The following CCDC146 variants were observed in gnomAD, a reference collection of about 807,000 sequenced individuals.
The protein encoded by CCDC146 is coiled-coil domain-containing protein 146.
A neutral mutation model predicts 119.3 loss-of-function variants in CCDC146; 92 were observed. That is an observed-to-expected ratio of 0.77 (90% confidence interval 0.65 to 0.92). CCDC146 has a LOEUF of 0.92. Ranked by LOEUF, CCDC146 falls within the 40% of genes least tolerant of loss-of-function variation. The probability of loss-of-function intolerance (pLI) is 0.00; values close to 1 mark genes in which losing one functional copy is unlikely to be tolerated. For synonymous variants in CCDC146, 372 were observed against 371.8 expected, an observed-to-expected ratio of 1.00 and a Z score of -0.01; for missense variants, 1,000 against 1,103.0, an observed-to-expected ratio of 0.91 and a Z score of 1.32.
At chr7:77,134,541 CTGTGTGTGTGTGTGTGTGTGTCTGTG>C (rs1480552073) in intron 1 of CCDC146, among the ~76,000 whole-genome samples, 36 of 144,246 alleles carry the variant, frequency 2.5e-4, no homozygotes, top group African/African-American at 8.2e-4. Context: ...TAAGGCCACT[CTGTGTGTGTGTGTGTGTGTGTCTGTG>C]TGTGTGTGTG....
chr7:77,265,198 A>G (rs1464786473), intron 9 of CCDC146, among the ~76,000 whole-genome samples: 1 of 152,238 alleles, frequency 6.6e-6, no homozygotes, highest in Non-Finnish European at 1.5e-5. Context: ...GACCGCAGTT[A>G]TAATGTCCAT....
intron 1 of CCDC146, among the ~76,000 whole-genome samples, chr7:77,155,497 CAG>C (rs1391399236): frequency 2.0e-5 from 3 of 151,842 alleles, no homozygotes; most frequent in South Asian, 2.1e-4. Context: ...GCTAAGACCA[CAG>C]AGAGTCTTGT....
intron 4 of CCDC146, among the ~76,000 whole-genome samples, chr7:77,252,235 G>T (rs1793089136): frequency 6.6e-6 from 1 of 152,078 alleles, no homozygotes; most frequent in South Asian, 2.1e-4. Flanking sequence ...TGCAGTAAGA[G>T]AAGAGAAGGT....
At chr7:77,246,506 A>T (rs1792954504) in intron 4 of CCDC146, 1 of 152,216 alleles carries the variant, frequency 6.6e-6, no homozygotes, top group African/African-American at 2.4e-5. Flanking sequence ...TGTCAGATTT[A>T]AGTTTTAATG....
intron 2 of CCDC146, among the ~76,000 whole-genome samples, chr7:77,226,572 A>G (rs188192032): frequency 6.6e-6 from 1 of 152,334 alleles, no homozygotes; most frequent in Non-Finnish European, 1.5e-5. Flanking sequence ...TTTAAACTTT[A>G]TCTCTAGAGT....
chr7:77,194,611 C>T (rs994645056), intron 2 of CCDC146: 1 of 152,004 alleles, frequency 6.6e-6, no homozygotes, highest in African/African-American at 2.4e-5. Context: ...TTACCTGAAG[C>T]AACTATCCTC....
chr7:77,272,194 T>G (rs961012408), intron 9 of CCDC146, among the ~76,000 whole-genome samples: 1 of 152,252 alleles, frequency 6.6e-6, no homozygotes, highest in Admixed American at 6.5e-5. Context: ...TGATCTGCTA[T>G]AGCAATTTTA....
At chr7:77,212,417 C>T (rs1352811354) in intron 2 of CCDC146, among the ~76,000 whole-genome samples, 3 of 151,768 alleles carry the variant, frequency 2.0e-5, no homozygotes, top group Admixed American at 6.6e-5. Context: ...GTCAGGAGAT[C>T]GAGACCATCC....
chr7:77,125,719 C>A (rs1351586624), intron 1 of CCDC146, among the ~76,000 whole-genome samples: 7 of 152,028 alleles, frequency 4.6e-5, no homozygotes, highest in Middle Eastern at 3.4e-3. Context: ...AAGAATTCAG[C>A]AATTTAGCTT....
At chr7:77,162,489 G>A (rs1398505923) in intron 1 of CCDC146, among the ~76,000 whole-genome samples, 1 of 151,946 alleles carries the variant, frequency 6.6e-6, no homozygotes, top group Non-Finnish European at 1.5e-5. Context: ...TTGTTCCATT[G>A]GTCTTTTATT....
intron 2 of CCDC146, among the ~76,000 whole-genome samples, chr7:77,213,764 C>T (rs771301017): frequency 2.8e-4 from 43 of 152,276 alleles, no homozygotes; most frequent in Admixed American, 3.9e-4. Context: ...GGATAATGGC[C>T]TCCAGCTGTA....
intron 6 of CCDC146, chr7:77,257,872 C>A (rs3108430): frequency 0.71 from 107,824 of 152,132 alleles, 39,040 homozygotes; most frequent in East Asian, 0.93. Context: ...CGGTGTTAGA[C>A]AAACTTAGCT....
chr7:77,183,835 T>C (rs1313593323), intron 2 of CCDC146, among the ~76,000 whole-genome samples: 1 of 152,252 alleles, frequency 6.6e-6, no homozygotes, highest in Non-Finnish European at 1.5e-5. Flanking sequence ...TTGGTCCTTG[T>C]AAACTCTTAG....
chr7:77,285,148 G>A (rs977369794), intron 15 of CCDC146, among the ~76,000 whole-genome samples: 2 of 152,092 alleles, frequency 1.3e-5, no homozygotes, highest in African/African-American at 4.8e-5. Flanking sequence ...TCAATTTTAG[G>A]AAGTTATATG....
rs908213040 is a variant in CCDC146 at position 77,177,979 on chromosome 7, G to A, written c.156+10155G>A. ...GGAAATTTAAAAACTTTTCCAGTAT[G>A]GAAGAAGACCTTGTAATGCACTTAA... On this transcript the variant is annotated intron_variant, in intron 2 of 18. Transcript: ENST00000285871. Among the ~76,000 whole-genome samples the A allele has an allele frequency of 4.0e-4, 61 of 152,244 alleles. No individual in the cohort carries two copies. The Middle Eastern group carries it at 0.01, about 25-fold the overall frequency.
intron 7 of CCDC146, among the ~76,000 whole-genome samples, chr7:77,259,534 A>C (rs577952687): frequency 6.6e-6 from 1 of 152,222 alleles, no homozygotes; most frequent in Admixed American, 6.5e-5. Flanking sequence ...TCAGTGTTTA[A>C]GGAACCAAAA....
rs960459619 is a variant in CCDC146 at position 77,196,869 on chromosome 7, T to C, written c.156+29045T>C. The stretch of plus-strand genomic sequence containing the variant: ...GTCCAGCCTCCCCCCATGGTCTCCA[T>C]GTCACAGTAAACTTCAAAGCTACTA... On this transcript the variant is annotated intron_variant, in intron 2 of 18. Transcript: ENST00000285871. This position sits in a 1 kb window ranked among gnomAD's most constrained non-coding sequence, Gnocchi z 4.2. The C allele has an allele frequency of 6.2e-7, 1 of 1,614,044 alleles. No individual in the cohort carries two copies. The highest frequency in any genetic ancestry group is 1.3e-5 in the African/African-American group (1 of 75,016).
At chr7:77,125,128 AG>A (rs1439133587) in intron 1 of CCDC146, among the ~76,000 whole-genome samples, 1 of 151,958 alleles carries the variant, frequency 6.6e-6, no homozygotes, top group African/African-American at 2.4e-5. Context: ...CAGGAGGTAG[AG>A]GTTGCAGTGA....
At chr7:77,180,010 A>G (rs1009923175) in intron 2 of CCDC146, among the ~76,000 whole-genome samples, 2 of 152,196 alleles carry the variant, frequency 1.3e-5, no homozygotes, top group African/African-American at 4.8e-5. Context: ...AGCATGTGTC[A>G]GAATTCCTCT....
Sources: allele counts gnomAD v4.1 joint callset (sites outside exome capture counted in the v4.1 genomes callset), GRCh38; gene constraint gnomAD v4.1.1; non-coding constraint Gnocchi (gnomAD v3.1); transcripts MANE v1.5; gene names NCBI Gene and HGNC (gene_info 2026-07-23, HGNC 2026-07-21).